Variants in HMGXB3 observed in about 807,000 individuals in gnomAD.
HMGXB3 encodes the protein HMG-box containing 3.
A neutral mutation model predicts 121.5 loss-of-function variants in HMGXB3; 45 were observed. The ratio of observed to expected loss-of-function variants is 0.37; its 90% CI spans 0.29 to 0.47. The LOEUF (loss-of-function observed/expected upper bound fraction) is 0.47. HMGXB3 is among the 20% of genes least tolerant of loss of function. The pLI is 0.99. For missense variants in HMGXB3, 1,376 were observed against 1,602.2 expected, an observed-to-expected ratio of 0.86 and a Z score of 2.41; for synonymous variants, 590 against 624.1, an observed-to-expected ratio of 0.95 and a Z score of 0.81.
Position 150,027,003 on chromosome 5 carries a change from G to T in HMGXB3, c.1637-17G>T. ...TGAATGCACTTAAGTCACCAGTTTG[G>T]CTCCTGGTTCTCTCAGATAAGACTC... On this transcript the variant is annotated splice_polypyrimidine_tract_variant and intron_variant, in intron 8 of 19. Coordinates refer to ENST00000502717, the MANE Select transcript of HMGXB3 (RefSeq NM_014983.3). The T allele has an allele frequency of 1.3e-6, 2 of 1,549,994 alleles. No homozygotes were observed. The highest frequency in any genetic ancestry group is 1.7e-6 in the Non-Finnish European group (2 of 1,145,708).
rs1209102425 is a variant in HMGXB3 at position 150,006,576 on chromosome 5, A to G, written c.241A>G (p.Arg81Gly). 1 of 1,552,170 alleles carries G rather than the reference A, an allele frequency of 6.4e-7. No individual in the cohort carries two copies. Among genetic ancestry groups the G allele is most frequent in the Non-Finnish European group, 8.7e-7 (1 of 1,147,106 alleles). Residue 81 changes from arginine to glycine, a missense_variant, in exon 3 of 20, where the codon AGG becomes GGG. By Grantham distance (125) the Arg-to-Gly change is moderately radical. This residue lies in a region of HMGXB3 where 1,116 missense variants were observed against 1,369.0 expected (regional missense o/e 0.82). Transcript: ENST00000502717. Reference protein sequence around the residue: ...EINKKISESWRLLSVAERSYY... With the variant: ...EINKKISESWGLLSVAERSYY... ...CAATAAGAAGATTAGTGAGAGTTGG[A>G]GGCTTCTCAGCGTGGCCGAGAGGAG... is the stretch of plus-strand genomic sequence containing the variant.
At position 150,006,530 on chromosome 5, in the gene HMGXB3, C is replaced by T; in HGVS notation, c.195C>T (p.Pro65=). ...ACCTGAAAGTGCAGCAGGAGCTCCC[C>T]CACCTCCCTCAGTCTGAGATCAATA... ...DIYLKVQQEL[P]HLPQSEINKK... is the part of the protein sequence containing the mutation. The change falls in exon 3 of 20, where the codon CCC becomes CCT. Residue 65 remains proline, a synonymous_variant. Coordinates refer to ENST00000502717, the MANE Select transcript of HMGXB3 (RefSeq NM_014983.3). 6.4e-7 allele frequency: 1 copy of T among 1,551,970 alleles called. No individual in the cohort carries two copies. Among genetic ancestry groups the T allele is most frequent in the East Asian group, 2.4e-5 (1 of 40,924 alleles).
Position 150,050,292 on chromosome 5 carries a change from C to T in HMGXB3, c.3242C>T (p.Ala1081Val), listed in dbSNP as rs1756859394. 6.4e-7 allele frequency: 1 copy of T among 1,551,878 alleles called. No individual in the cohort carries two copies. Among genetic ancestry groups the T allele is most frequent in the Non-Finnish European group, 8.7e-7 (1 of 1,147,006 alleles). ...GSKYLVRGES[A>V]RDHVDLLASS... is the part of the protein sequence containing the mutation. ...AAGTATCTTGTGCGAGGTGAGAGTG[C>T]CCGTGACCATGTGGACCTGCTTGCC... Residue 1081 changes from alanine (A) to valine (V), a missense_variant, in exon 19 of 20, where the codon GCC (alanine) becomes GTC (valine). Around this residue, in one of 2 missense-constraint regions of HMGXB3, gnomAD observed 1,116 missense variants for 1,369.0 expected, o/e 0.82. Coordinates refer to ENST00000502717, the MANE Select transcript of HMGXB3 (RefSeq NM_014983.3).
In HMGXB3 at chr5:150,011,603, G is replaced by GTTT. The variant is rs1491185268; in HGVS notation, c.811-652_811-651insTTT. Reference sequence around the variant, plus strand: ...TTGTTGTTGTTGGTTGTTTTTTTTTGGTTTTTTTTTTTTTTTTTGAGACGG... The same window carrying GTTT: ...TTGTTGTTGTTGGTTGTTTTTTTTTGTTTGTTTTTTTTTTTTTTTTTGAGACGG... On this transcript the variant is annotated intron_variant, in intron 4 of 19. Coordinates refer to ENST00000502717, the MANE Select transcript of HMGXB3 (RefSeq NM_014983.3). 1.4e-4 allele frequency among the ~76,000 whole-genome samples: 20 copies of GTTT among 143,206 alleles called. 2 individuals are homozygous for GTTT. Among genetic ancestry groups the GTTT allele is most frequent in the African/African-American group, 5.6e-4 (20 of 35,720 alleles). 93.9% of individuals were successfully genotyped at this position (143,206 alleles called of 152,430 possible).
At position 150,036,868 on chromosome 5, in the gene HMGXB3, C is replaced by T. The variant is rs758039109; in HGVS notation, c.2216C>T (p.Ser739Leu). Residue 739 changes from serine to leucine, a missense_variant, in exon 12 of 20, where the codon TCG becomes TTG. Ser to Leu is a moderately radical substitution (Grantham distance 145, BLOSUM62 -2). Coordinates refer to ENST00000502717, the MANE Select transcript of HMGXB3 (RefSeq NM_014983.3). ...GTCACCATCGAGCAAACCTCTTGGTCGAATTATTATGAGTCTCCGTCCACG... is the reference window on the plus strand; with the variant it reads ...GTCACCATCGAGCAAACCTCTTGGTTGAATTATTATGAGTCTCCGTCCACG... ...ETVTIEQTSW[S>L]NYYESPSTQC... 3.9e-6 allele frequency: 6 copies of T among 1,551,552 alleles called. No individual in the cohort carries two copies. The East Asian group carries it at 7.3e-5, about 19-fold the overall frequency.
At chr5:150,044,813 G>A (rs1756719975) in intron 15 of HMGXB3, among the ~76,000 whole-genome samples, 1 of 152,210 alleles carries the variant, frequency 6.6e-6, no homozygotes, top group African/African-American at 2.4e-5. Flanking sequence ...CGTTTTGAGA[G>A]CCATATAAGA....
At position 150,053,105 on chromosome 5, in the gene HMGXB3, A is replaced by G. The variant is rs1756981091; in HGVS notation, c.*913A>G. The G allele has an allele frequency of 1.1e-5, 2 of 183,138 alleles. No individual in the cohort carries two copies. Among genetic ancestry groups the G allele is most frequent in the African/African-American group, 4.7e-5 (2 of 42,564 alleles). The allele number at this position is 183,138 out of a possible 1,614,324, so 11.3% of individuals were successfully genotyped here. A position where few individuals can be genotyped will look rare whatever the true frequency, so the allele number is the denominator to read the frequency against. On this transcript the variant is annotated 3_prime_UTR_variant, in exon 20 of 20. Transcript: ENST00000502717. The stretch of plus-strand genomic sequence containing the variant: ...CTTTTTTTCCCTCCCTCTTCCCCCA[A>G]CAAGAATAAAGTTTATTAAATTATC...
chr5:150,036,773 T>C lies in HMGXB3; in HGVS notation c.2121T>C (p.Ala707=). 1 of 1,551,772 alleles carries C rather than the reference T, an allele frequency of 6.4e-7. No individual in the cohort carries two copies. Among genetic ancestry groups the C allele is most frequent in the Non-Finnish European group, 8.7e-7 (1 of 1,147,012 alleles). ...LQIPENESEL[A]EVFALIHELN... Reference sequence around the variant, plus strand: ...TTCCTGAGAATGAGTCAGAGCTGGCTGAGGTCTTCGCCTTGATTCATGAAC... The same window carrying C: ...TTCCTGAGAATGAGTCAGAGCTGGCCGAGGTCTTCGCCTTGATTCATGAAC... The change falls in exon 12 of 20, where the codon GCT becomes GCC. Residue 707 remains alanine (A), a synonymous_variant. Coordinates refer to ENST00000502717, the MANE Select transcript of HMGXB3 (RefSeq NM_014983.3).
chr5:150,049,702 C>T (rs1457274199), intron 18 of HMGXB3, among the ~76,000 whole-genome samples: 1 of 152,110 alleles, frequency 6.6e-6, no homozygotes, highest in South Asian at 2.1e-4. Context: ...TTGGAGGTGA[C>T]AGCCAAGTGG....
intron 18 of HMGXB3, 122 bp downstream of exon 18, chr5:150,048,807 C>G (rs1756821050): frequency 4.1e-6 from 3 of 732,718 alleles, no homozygotes; most frequent in Non-Finnish European, 7.2e-6. Context: ...TCCGGCATAG[C>G]TGCCCACGGG....
At chr5:150,048,197 T>C (rs1174518482) in intron 17 of HMGXB3, among the ~76,000 whole-genome samples, 2 of 152,264 alleles carry the variant, frequency 1.3e-5, no homozygotes. Context: ...ATGTGTTTTA[T>C]TCATACATTA....
At chr5:150,037,341 A>G (rs1323116736) in intron 12 of HMGXB3, 59 bp from the exon 13 acceptor site, 9 of 1,436,224 alleles carry the variant, frequency 6.3e-6, no homozygotes, top group African/African-American at 1.5e-5. Context: ...GAGCCCTGGA[A>G]CTCCATAAAG....
intron 11 of HMGXB3, among the ~76,000 whole-genome samples, chr5:150,033,923 C>G (rs1366724148): frequency 6.6e-6 from 1 of 152,064 alleles, no homozygotes; most frequent in East Asian, 1.9e-4. Flanking sequence ...AGTATGTGGG[C>G]ACTAATGGCT....
intron 13 of HMGXB3, among the ~76,000 whole-genome samples, chr5:150,039,180 A>G (rs921881555): frequency 6.6e-6 from 1 of 152,222 alleles, no homozygotes; most frequent in African/African-American, 2.4e-5. Flanking sequence ...AATATCTACA[A>G]AGTCCTGCTT....
intron 5 of HMGXB3, among the ~76,000 whole-genome samples, chr5:150,015,871 G>T (rs1755948950): frequency 6.6e-6 from 1 of 152,130 alleles, no homozygotes; most frequent in Admixed American, 6.5e-5. Flanking sequence ...AATTTATTGA[G>T]ACTTGTCTTA....
At chr5:150,050,750 G>A (rs1756870660) in intron 19 of HMGXB3, among the ~76,000 whole-genome samples, 1 of 152,142 alleles carries the variant, frequency 6.6e-6, no homozygotes, top group Non-Finnish European at 1.5e-5. Flanking sequence ...CAAAGTGCTG[G>A]GATTACAGGC....
chr5:150,018,062 A>C (rs1755999291), intron 5 of HMGXB3, among the ~76,000 whole-genome samples: 1 of 152,178 alleles, frequency 6.6e-6, no homozygotes, highest in African/African-American at 2.4e-5. Flanking sequence ...TGTCTGAAGA[A>C]TGAAGATGAA....
intron 6 of HMGXB3, 69 bp downstream of exon 6, chr5:150,018,766 A>G: frequency 1.2e-5 from 17 of 1,414,962 alleles, no homozygotes; most frequent in Non-Finnish European, 1.5e-5. Context: ...CATTAGGAAC[A>G]GGTGATTTTT....
chr5:150,010,145 C>T lies in HMGXB3; in HGVS notation c.347C>T (p.Pro116Leu), dbSNP rs1259654259. Residue 116 changes from proline (P) to leucine (L), a missense_variant, in exon 4 of 20, where the codon CCG (proline) becomes CTG (leucine). By Grantham distance (98) the Pro-to-Leu change is moderately conservative (BLOSUM62 -3). Transcript: ENST00000502717. ...CTCTCTGCACTGACTGCTGTGGTTCCGGACATCCCAGGTTTCCGCAAGATC... is the reference window on the plus strand; with the variant it reads ...CTCTCTGCACTGACTGCTGTGGTTCTGGACATCCCAGGTTTCCGCAAGATC... ...SKLSALTAVV[P>L]DIPGFRKILP... 3.2e-6 allele frequency: 5 copies of T among 1,551,468 alleles called. No homozygotes were observed. Among genetic ancestry groups the T allele is most frequent in the South Asian group, 1.2e-5 (1 of 84,036 alleles).
Sources: gnomAD v4.1 joint callset for allele counts (sites outside exome capture counted in the v4.1 genomes callset) on GRCh38, gnomAD v4.1.1 for gene constraint, gnomAD v4.1.1 regional missense constraint, MANE v1.5 for transcripts, NCBI Gene and HGNC (gene_info 2026-07-23, HGNC 2026-07-21) for gene names.